Variants in C12orf56 observed in about 807,000 individuals in gnomAD.
C12orf56 encodes chromosome 12 open reading frame 56.
A neutral mutation model predicts 69.9 loss-of-function variants in C12orf56; 71 were observed. That is an observed-to-expected ratio of 1.02 (90% CI 0.84 to 1.24). C12orf56 has a LOEUF of 1.24. Ranked by LOEUF, C12orf56 falls within the 50% of genes most tolerant of loss-of-function variation. C12orf56 has a pLI of 0.00. For missense variants in C12orf56, 732 were observed against 738.5 expected, an observed-to-expected ratio of 0.99 and a Z score of 0.10; for synonymous variants, 276 against 274.1, an observed-to-expected ratio of 1.01 and a Z score of -0.07.
chr12:64,283,042 T>C (rs916054845), intron 8 of C12orf56, among the ~76,000 whole-genome samples: 1 of 151,484 alleles, frequency 6.6e-6, no homozygotes, highest in Non-Finnish European at 1.5e-5. Flanking sequence ...CTTGGGAGGC[T>C]GAGGCAGGAG....
chr12:64,318,893 A>G lies in C12orf56; in HGVS notation c.576T>C (p.Gly192=), dbSNP rs1047069945. ...GLKKLSLHGQ[G]AFRPLPSPSR... ...AGGGGGAAGGTAGGGGTCGAAAGGC[A>G]CCTTGGCCATGAAGGGACAGCTTTT... Residue 192 remains glycine, a synonymous_variant, in exon 4 of 13, where the codon GGT becomes GGC. Coordinates refer to ENST00000543942, the MANE Select transcript of C12orf56 (RefSeq NM_001170633.2). 2.0e-6 allele frequency: 3 copies of G among 1,537,202 alleles called. No homozygotes were observed. The highest frequency in any genetic ancestry group is 2.6e-6 in the Non-Finnish European group (3 of 1,146,892).
chr12:64,386,613 C>T (rs1238502523), intron 1 of C12orf56, among the ~76,000 whole-genome samples: 2 of 150,922 alleles, frequency 1.3e-5, no homozygotes, highest in Non-Finnish European at 3.0e-5. Flanking sequence ...TCAGGCTGGT[C>T]TCAAACTCCC....
rs556712388 is a variant in C12orf56 at position 64,351,760 on chromosome 12, G to A, written c.415+1134C>T. Among the ~76,000 whole-genome samples the A allele has an allele frequency of 3.9e-5, 6 of 151,914 alleles. No homozygotes were observed. In the South Asian group the frequency reaches 1.2e-3, roughly 32 times the overall value. The stretch of plus-strand genomic sequence containing the variant: ...TACTGGGTATTCGCTAGGAAGAGAT[G>A]GGAATGTGGGATGATGCCTCATTCC... On this transcript the variant is annotated intron_variant, in intron 2 of 12. Coordinates refer to ENST00000543942, the MANE Select transcript of C12orf56 (RefSeq NM_001170633.2).
At chr12:64,381,601 C>A (rs965203593) in intron 1 of C12orf56, among the ~76,000 whole-genome samples, 10 of 152,130 alleles carry the variant, frequency 6.6e-5, no homozygotes, top group Admixed American at 6.6e-4. Flanking sequence ...AGGTTAGAAG[C>A]AAAATGGAGT....
intron 6 of C12orf56, among the ~76,000 whole-genome samples, chr12:64,300,739 T>C (rs1292708374): frequency 6.6e-6 from 1 of 152,236 alleles, no homozygotes; most frequent in African/African-American, 2.4e-5. Flanking sequence ...TATCCTGATA[T>C]TTCATTTTGC....
intron 1 of C12orf56, among the ~76,000 whole-genome samples, chr12:64,355,536 A>T (rs1459075840): frequency 6.6e-6 from 1 of 152,200 alleles, no homozygotes; most frequent in Non-Finnish European, 1.5e-5. Flanking sequence ...TGAAATCATT[A>T]TTCTGATAGA....
intron 6 of C12orf56, among the ~76,000 whole-genome samples, chr12:64,286,998 A>G (rs2038211361): frequency 6.6e-6 from 1 of 152,084 alleles, no homozygotes; most frequent in Admixed American, 6.6e-5. Context: ...GCACTTTGGG[A>G]GGCCGAGGTG....
At chr12:64,357,419 C>CTT (rs34572710) in intron 1 of C12orf56, among the ~76,000 whole-genome samples, 1 of 140,064 alleles carries the variant, frequency 7.1e-6, no homozygotes. Context: ...TTTTTTCTTT[C>CTT]TTTTTTTTTT....
chr12:64,335,234 T>C (rs1165264656), intron 2 of C12orf56, among the ~76,000 whole-genome samples: 1 of 151,992 alleles, frequency 6.6e-6, no homozygotes, highest in Non-Finnish European at 1.5e-5. Context: ...CTGGCCAACA[T>C]AGAGAAACCT....
At chr12:64,293,915 C>T (rs139185059) in intron 6 of C12orf56, among the ~76,000 whole-genome samples, 320 of 152,286 alleles carry the variant, frequency 2.1e-3, no homozygotes, top group Admixed American at 5.0e-3. Context: ...GTGACAGAGA[C>T]GCTCTAAATC....
At chr12:64,369,554 C>T (rs2039542107) in intron 1 of C12orf56, among the ~76,000 whole-genome samples, 1 of 152,146 alleles carries the variant, frequency 6.6e-6, no homozygotes, top group African/African-American at 2.4e-5. Context: ...TCAAAGACCA[C>T]TGCATAAAGC....
chr12:64,273,283 G>A (rs778253047), intron 11 of C12orf56, among the ~76,000 whole-genome samples: 1 of 145,510 alleles, frequency 6.9e-6, no homozygotes, highest in South Asian at 2.1e-4. Flanking sequence ...GGGCAACAGA[G>A]CAAGACTCTG....
chr12:64,377,192 A>AT (rs2039653517), intron 1 of C12orf56, among the ~76,000 whole-genome samples: 1 of 128,688 alleles, frequency 7.8e-6, no homozygotes, highest in African/African-American at 2.9e-5. Context: ...TCCTTTGCCC[A>AT]CTTTTTTTTT....
intron 2 of C12orf56, among the ~76,000 whole-genome samples, chr12:64,351,892 T>C: frequency 6.6e-6 from 1 of 151,078 alleles, no homozygotes. Flanking sequence ...GCCACTTTCT[T>C]TCCTCTTTCC....
At chr12:64,297,396 C>CT (rs78273681) in intron 6 of C12orf56, among the ~76,000 whole-genome samples, 105,627 of 151,298 alleles carry the variant, frequency 0.7, 38,021 homozygotes, top group Non-Finnish European at 0.79. Flanking sequence ...ACTTTTTTTT[C>CT]TTTTTTTTAT....
chr12:64,272,470 A>G (rs1406683687), intron 11 of C12orf56, among the ~76,000 whole-genome samples: 1 of 151,880 alleles, frequency 6.6e-6, no homozygotes, highest in Non-Finnish European at 1.5e-5. Context: ...GCACCACTGC[A>G]CTCCAGCCTG....
chr12:64,376,886 C>T (rs2039648901), intron 1 of C12orf56, among the ~76,000 whole-genome samples: 2 of 151,854 alleles, frequency 1.3e-5, no homozygotes, highest in South Asian at 4.2e-4. Flanking sequence ...GTTGTCCTGG[C>T]TGGAGTGCAG....
chr12:64,351,156 G>A (rs1187108893), intron 2 of C12orf56, among the ~76,000 whole-genome samples: 2 of 152,180 alleles, frequency 1.3e-5, no homozygotes, highest in African/African-American at 4.8e-5. Flanking sequence ...ATAAGGCCAA[G>A]GGAGTTAACC....
At chr12:64,335,892 A>G (rs1049852253) in intron 2 of C12orf56, among the ~76,000 whole-genome samples, 1 of 152,156 alleles carries the variant, frequency 6.6e-6, no homozygotes, top group Non-Finnish European at 1.5e-5. Flanking sequence ...TTTTTTACCC[A>G]AGAGGTTTGG....
Sources: allele counts gnomAD v4.1 joint callset (sites outside exome capture counted in the v4.1 genomes callset), GRCh38; gene constraint gnomAD v4.1.1; transcripts MANE v1.5; gene names NCBI Gene and HGNC (gene_info 2026-07-23, HGNC 2026-07-21).